The following LRRC8D variants were observed in gnomAD, a reference collection of about 807,000 sequenced individuals.
The protein encoded by LRRC8D is leucine rich repeat containing 8 VRAC subunit D.
In LRRC8D, 20 loss-of-function variants were observed where a neutral mutation model predicts 55.8. The observed-to-expected ratio is 0.36, with a 90% CI of 0.25 to 0.52. LRRC8D has a LOEUF of 0.52. Among genes scored for constraint, LRRC8D ranks in the 20% least tolerant of loss-of-function variants. The probability of loss-of-function intolerance (pLI) is 0.93; values close to 1 mark genes in which losing one functional copy is unlikely to be tolerated. For missense variants in LRRC8D, 651 were observed against 1,030.8 expected (o/e 0.63, Z 5.05); for synonymous variants, 352 against 377.0 (o/e 0.93, Z 0.77).
At chr1:89,861,245 G>C (rs1330680348) in intron 2 of LRRC8D, among the ~76,000 whole-genome samples, 1 of 152,178 alleles carries the variant, frequency 6.6e-6, no homozygotes, top group Non-Finnish European at 1.5e-5. Flanking sequence ...CCTGCTAACT[G>C]TGTGACCCTA....
chr1:89,901,118 A>G (rs1662839633), intron 2 of LRRC8D, among the ~76,000 whole-genome samples: 1 of 152,188 alleles, frequency 6.6e-6, no homozygotes, highest in African/African-American at 2.4e-5. Context: ...ACAGAGTGAC[A>G]ACCTCTTCTC....
chr1:89,835,720 C>T (rs879778205), intron 1 of LRRC8D, among the ~76,000 whole-genome samples: 45 of 152,064 alleles, frequency 3.0e-4, no homozygotes, highest in Admixed American at 2.7e-3. Context: ...ATAATATTTA[C>T]CTCCTAGGGT....
intron 2 of LRRC8D, among the ~76,000 whole-genome samples, chr1:89,881,134 AG>A (rs1242052126): frequency 1.3e-5 from 2 of 152,108 alleles, no homozygotes; most frequent in East Asian, 1.9e-4. Flanking sequence ...TCTCATTTCC[AG>A]CTCCATTTCT....
chr1:89,823,341 G>C (rs1400740034), intron 1 of LRRC8D, among the ~76,000 whole-genome samples: 2 of 151,954 alleles, frequency 1.3e-5, no homozygotes, highest in Non-Finnish European at 2.9e-5. Flanking sequence ...AATCGCTAAA[G>C]TTTAATGGAA....
intron 2 of LRRC8D, among the ~76,000 whole-genome samples, chr1:89,851,421 T>C (rs1661414687): frequency 6.6e-6 from 1 of 152,252 alleles, no homozygotes; most frequent in Admixed American, 6.5e-5. Flanking sequence ...CTGCAATTTA[T>C]GTCACACTGA....
chr1:89,828,426 G>T (rs924533091), intron 1 of LRRC8D, among the ~76,000 whole-genome samples: 1 of 152,212 alleles, frequency 6.6e-6, no homozygotes, highest in African/African-American at 2.4e-5. Context: ...CAACTTTAGT[G>T]CTAAGTTTAT....
intron 2 of LRRC8D, among the ~76,000 whole-genome samples, chr1:89,861,039 T>C (rs1213906674): frequency 6.6e-6 from 1 of 151,950 alleles, no homozygotes. Flanking sequence ...TGGGCTGAAT[T>C]GCTGGGTGCT....
chr1:89,842,806 T>C (rs1042982298), intron 1 of LRRC8D, among the ~76,000 whole-genome samples: 5 of 152,212 alleles, frequency 3.3e-5, no homozygotes, highest in Non-Finnish European at 1.5e-5. Flanking sequence ...CCCAGGACTA[T>C]GGAACTTCTC....
chr1:89,868,092 T>C (rs1661898265), intron 2 of LRRC8D, among the ~76,000 whole-genome samples: 1 of 152,222 alleles, frequency 6.6e-6, no homozygotes, highest in South Asian at 2.1e-4. Flanking sequence ...GATGGGCCAA[T>C]GTAAGCCATT....
intron 2 of LRRC8D, among the ~76,000 whole-genome samples, chr1:89,888,979 G>A (rs148029206): frequency 1.3e-5 from 2 of 152,304 alleles, no homozygotes; most frequent in East Asian, 3.8e-4. Flanking sequence ...TCTCAAAGAA[G>A]TGGGTTATAA....
At position 89,828,027 on chromosome 1, in the gene LRRC8D, C is replaced by T. The variant is rs540172621; in HGVS notation, c.-148+6736C>T. Among the ~76,000 whole-genome samples, 4 of 152,296 alleles carry T rather than the reference C, an allele frequency of 2.6e-5. No individual in the cohort carries two copies. The East Asian group carries it at 7.7e-4, about 29-fold the overall frequency. ...ATATGGAGTTTAGTTTTGAAAACAG[C>T]CCTCCCTGCCTCCAGGTAATTCTAA... On this transcript the variant is annotated intron_variant, in intron 1 of 2. Coordinates refer to ENST00000337338, the MANE Select transcript of LRRC8D (RefSeq NM_001134479.2).
At chr1:89,855,186 G>C (rs562096027) in intron 2 of LRRC8D, among the ~76,000 whole-genome samples, 1 of 152,314 alleles carries the variant, frequency 6.6e-6, no homozygotes, top group South Asian at 2.1e-4. Flanking sequence ...CTTACCTTAA[G>C]AGTCCTTTCT....
intron 2 of LRRC8D, among the ~76,000 whole-genome samples, chr1:89,873,275 A>G (rs1471671526): frequency 6.6e-6 from 1 of 152,218 alleles, no homozygotes; most frequent in African/African-American, 2.4e-5. Context: ...TTCTGTATTA[A>G]TTTCTGTGTT....
At chr1:89,841,368 G>C (rs193163914) in intron 1 of LRRC8D, among the ~76,000 whole-genome samples, 1 of 149,990 alleles carries the variant, frequency 6.7e-6, no homozygotes, top group African/African-American at 2.5e-5. Context: ...GTAGTTCATC[G>C]TCTGGAGGCC....
intron 2 of LRRC8D, among the ~76,000 whole-genome samples, chr1:89,886,034 T>C (rs1336223719): frequency 6.6e-6 from 1 of 152,188 alleles, no homozygotes; most frequent in Non-Finnish European, 1.5e-5. Flanking sequence ...ATTCCTTTAC[T>C]CCTTAAAGAA....
rs752570108 is a variant in LRRC8D at position 89,934,236 on chromosome 1, A to T, written c.1168A>T (p.Ile390Leu). Reference sequence around the variant, plus strand: ...CTACACTCTCTTCTGGTTATTCAGGATACCTTTGAAGGAATATTCTTTCGA... The same window carrying T: ...CTACACTCTCTTCTGGTTATTCAGGTTACCTTTGAAGGAATATTCTTTCGA... ...CLYTLFWLFR[I>L]PLKEYSFEKV... The change falls in exon 3 of 3, where the codon ATA becomes TTA. Residue 390 changes from isoleucine (I) to leucine (L), a missense_variant. Ile to Leu is a conservative substitution (Grantham distance 5). Around this residue, in one of 5 missense-constraint regions of LRRC8D, gnomAD observed 178 missense variants for 374.9 expected, o/e 0.47. Coordinates refer to ENST00000337338, the MANE Select transcript of LRRC8D (RefSeq NM_001134479.2). This position sits in a 1 kb window ranked among gnomAD's most constrained non-coding sequence, Gnocchi z 5.9. 1.2e-6 allele frequency: 2 copies of T among 1,614,138 alleles called. No homozygotes were observed. Among genetic ancestry groups the T allele is most frequent in the Non-Finnish European group, 1.7e-6 (2 of 1,180,014 alleles).
intron 2 of LRRC8D, among the ~76,000 whole-genome samples, chr1:89,897,243 C>T (rs894127522): frequency 6.6e-6 from 1 of 152,074 alleles, no homozygotes; most frequent in African/African-American, 2.4e-5. Context: ...TAGTATAGAT[C>T]GGTTAATGAA....
At chr1:89,912,566 C>G (rs1021671917) in intron 2 of LRRC8D, among the ~76,000 whole-genome samples, 1 of 152,100 alleles carries the variant, frequency 6.6e-6, no homozygotes, top group African/African-American at 2.4e-5. Context: ...TTGAGACAGC[C>G]CTCATTAGTG....
chr1:89,918,737 A>G (rs569195935), intron 2 of LRRC8D, among the ~76,000 whole-genome samples: 1 of 152,352 alleles, frequency 6.6e-6, no homozygotes, highest in East Asian at 1.9e-4. Flanking sequence ...GTCTATCCGA[A>G]TGAGTTAGCA....
Sources: allele counts gnomAD v4.1 joint callset (sites outside exome capture counted in the v4.1 genomes callset), GRCh38; gene constraint gnomAD v4.1.1; regional missense constraint gnomAD v4.1.1; non-coding constraint Gnocchi (gnomAD v3.1); transcripts MANE v1.5; gene names NCBI Gene and HGNC (gene_info 2026-07-23, HGNC 2026-07-21).